The following LRRC75A variants were observed in gnomAD, a reference collection of about 807,000 sequenced individuals.
LRRC75A encodes the protein leucine rich repeat containing 75A, also known as leucine-rich repeat-containing protein 75A.
LRRC75A carries 12 observed loss-of-function variants against 26.0 expected under a neutral mutation model. The observed-to-expected ratio is 0.46, with a 90% CI of 0.30 to 0.75. The LOEUF (loss-of-function observed/expected upper bound fraction) is 0.75. Ranked by LOEUF, LRRC75A falls within the 30% of genes least tolerant of loss-of-function variation. LRRC75A has a pLI of 0.08. For missense variants in LRRC75A, 410 were observed against 486.6 expected, an observed-to-expected ratio of 0.84 and a Z score of 1.48; for synonymous variants, 223 against 219.3, an observed-to-expected ratio of 1.02 and a Z score of -0.15.
At chr17:16,484,617 A>G (rs1322286339) in intron 1 of LRRC75A, among the ~76,000 whole-genome samples, 1 of 152,138 alleles carries the variant, frequency 6.6e-6, no homozygotes, top group Non-Finnish European at 1.5e-5. Context: ...GCTGACCAAG[A>G]TCCGGCAGAG....
intron 1 of LRRC75A, among the ~76,000 whole-genome samples, chr17:16,476,957 C>CCTG (rs2093822074): frequency 6.6e-6 from 1 of 151,026 alleles, no homozygotes; most frequent in Non-Finnish European, 1.5e-5. Context: ...CCAGGATGGT[C>CCTG]TCAATCTCCT....
In LRRC75A at chr17:16,460,291, A is replaced by T. The variant is rs114525295; in HGVS notation, c.375+1967T>A. ...CAGTCTACGATAATTTGTTACAGCCACCTGAATGGACCACAACAACCCAGG... is the reference window on the plus strand; with the variant it reads ...CAGTCTACGATAATTTGTTACAGCCTCCTGAATGGACCACAACAACCCAGG... On this transcript the variant is annotated intron_variant, in intron 2 of 3. Coordinates refer to ENST00000470794, the MANE Select transcript of LRRC75A (RefSeq NM_001113567.3). Among the ~76,000 whole-genome samples the T allele has an allele frequency of 8.5e-4, 130 of 152,278 alleles. 1 individual carries two copies. Among genetic ancestry groups the T allele is most frequent in the Middle Eastern group, 6.8e-3 (2 of 294 alleles).
chr17:16,443,784 G>T lies in LRRC75A; in HGVS notation c.839C>A (p.Pro280His). Residue 280 changes from proline to histidine, a missense_variant, in exon 4 of 4, where the codon CCC becomes CAC. Physicochemically the swap from Pro to His is moderately conservative, Grantham distance 77 (BLOSUM62 -2). Transcript: ENST00000470794. ...NNVDIFSLPQPFLLSLRKRSP... is the reference protein window; with the variant it reads ...NNVDIFSLPQHFLLSLRKRSP... ...GCGCTTGCGCAGGCTGAGCAGGAAG[G>T]GCTGGGGCAAGGAGAAGATGTCCAC... is the stretch of plus-strand genomic sequence containing the variant. 2 of 1,613,866 alleles carry T rather than the reference G, an allele frequency of 1.2e-6. No individual in the cohort carries two copies. Among genetic ancestry groups the T allele is most frequent in the Non-Finnish European group, 1.7e-6 (2 of 1,179,752 alleles).
chr17:16,487,713 G>C (rs1025645209), intron 1 of LRRC75A, among the ~76,000 whole-genome samples: 1 of 152,224 alleles, frequency 6.6e-6, no homozygotes, highest in Non-Finnish European at 1.5e-5. Flanking sequence ...GGGATTACAG[G>C]TGTGAGCATT....
chr17:16,449,779 G>A (rs1043872169), intron 2 of LRRC75A, among the ~76,000 whole-genome samples: 1 of 152,142 alleles, frequency 6.6e-6, no homozygotes, highest in Non-Finnish European at 1.5e-5. Context: ...ATCACACCTG[G>A]CTAGTTTTTG....
rs113196888 is a variant in LRRC75A, at chr17:16,481,929, C to T, written c.246+9816G>A. On this transcript the variant is annotated intron_variant, in intron 1 of 3. Transcript: ENST00000470794. ...CTACAATACAGCCCTTTCCATAGTC[C>T]GCATACGCAGAGGACTCCCCAGGTC... 4.1e-3 allele frequency among the ~76,000 whole-genome samples: 628 copies of T among 152,278 alleles called. 1 individual carries two copies. The highest frequency in any genetic ancestry group is 0.014 in the African/African-American group (593 of 41,550).
chr17:16,480,597 C>A (rs573389864), intron 1 of LRRC75A, among the ~76,000 whole-genome samples: 1 of 141,290 alleles, frequency 7.1e-6, no homozygotes, highest in South Asian at 2.2e-4. Flanking sequence ...CCACTGCACT[C>A]TAGCCTGGGC....
intron 1 of LRRC75A, among the ~76,000 whole-genome samples, chr17:16,478,889 G>A (rs1027350728): frequency 4.6e-5 from 7 of 152,202 alleles, no homozygotes; most frequent in African/African-American, 1.4e-4. Flanking sequence ...GGACTGGCAC[G>A]TCCTAGGAAA....
Position 16,448,090 on chromosome 17 carries a change from G to A in LRRC75A, c.376-130C>T, listed in dbSNP as rs746310646. The A allele has an allele frequency of 1.1e-5, 9 of 801,198 alleles. No homozygotes were observed. In the South Asian group the frequency reaches 1.3e-4, roughly 12 times the overall value. The allele number at this position is 801,198 out of a possible 1,614,324, so 49.6% of individuals were successfully genotyped here. ...AGCTGGGGGAGGCCCTGCTCTGCTG[G>A]CCTAGGGTGGGCACCCTAGGCAGAC... is the stretch of plus-strand genomic sequence containing the variant. On this transcript the variant is annotated intron_variant, in intron 2 of 3. Transcript: ENST00000470794.
At chr17:16,468,575 G>C (rs571071564) in intron 1 of LRRC75A, among the ~76,000 whole-genome samples, 111 of 152,316 alleles carry the variant, frequency 7.3e-4, no homozygotes, top group African/African-American at 2.6e-3. Context: ...GGAAGGAGGA[G>C]TTACTGTTTA....
chr17:16,482,341 G>A lies in LRRC75A; in HGVS notation c.246+9404C>T, dbSNP rs568576073. Among the ~76,000 whole-genome samples, 168 of 152,270 alleles carry A rather than the reference G, an allele frequency of 1.1e-3. 1 individual carries two copies. The highest frequency in any genetic ancestry group is 3.8e-3 in the African/African-American group (158 of 41,544). ...TGGGTGGAGGCTCCATGGGGACAGC[G>A]GCTATGGGGTGGGAATGTGCCTGGA... is the stretch of plus-strand genomic sequence containing the variant. On this transcript the variant is annotated intron_variant, in intron 1 of 3. Transcript: ENST00000470794.
chr17:16,481,577 G>A (rs758765910), intron 1 of LRRC75A, among the ~76,000 whole-genome samples: 2 of 152,064 alleles, frequency 1.3e-5, no homozygotes, highest in South Asian at 2.1e-4. Flanking sequence ...CCTGGGCCCC[G>A]GCAGGTGCAC....
chr17:16,472,261 G>A (rs748931385), intron 1 of LRRC75A, among the ~76,000 whole-genome samples: 9 of 151,964 alleles, frequency 5.9e-5, no homozygotes, highest in Admixed American at 1.3e-4. Flanking sequence ...CAGCATCCTG[G>A]CATCCAAGGA....
chr17:16,441,876 C>A lies in LRRC75A; in HGVS notation c.*1712G>T. On this transcript the variant is annotated 3_prime_UTR_variant, in exon 4 of 4. Coordinates refer to ENST00000470794, the MANE Select transcript of LRRC75A (RefSeq NM_001113567.3). The stretch of plus-strand genomic sequence containing the variant: ...ATCATGCCCAACAAGAGGTTCTATA[C>A]CTTTTAATGAATTGACTTTCATAAA... 6.5e-6 allele frequency: 1 copy of A among 154,176 alleles called. No homozygotes were observed. The highest frequency in any genetic ancestry group is 2.0e-4 in the South Asian group (1 of 5,046). 9.6% of individuals were successfully genotyped at this position (154,176 alleles called of 1,614,324 possible).
intron 1 of LRRC75A, among the ~76,000 whole-genome samples, chr17:16,484,597 T>C (rs1202512506): frequency 6.6e-6 from 1 of 152,070 alleles, no homozygotes; most frequent in Non-Finnish European, 1.5e-5. Flanking sequence ...GATGGGAGGC[T>C]GAGAGGGGAG....
At chr17:16,472,128 G>C (rs1409375306) in intron 1 of LRRC75A, among the ~76,000 whole-genome samples, 1 of 152,094 alleles carries the variant, frequency 6.6e-6, no homozygotes, top group African/African-American at 2.4e-5. Context: ...AAGGATACAA[G>C]CAGAGGAGAG....
At chr17:16,487,648 T>G (rs2093849709) in intron 1 of LRRC75A, among the ~76,000 whole-genome samples, 1 of 152,254 alleles carries the variant, frequency 6.6e-6, no homozygotes, top group Non-Finnish European at 1.5e-5. Context: ...TTGCTCAGGC[T>G]GGTCTTGAAC....
chr17:16,459,327 C>T (rs2093709479), intron 2 of LRRC75A, among the ~76,000 whole-genome samples: 1 of 152,112 alleles, frequency 6.6e-6, no homozygotes, highest in Non-Finnish European at 1.5e-5. Flanking sequence ...TGATCAGGAG[C>T]CTACACTAGG....
chr17:16,453,297 AACAC>A lies in LRRC75A; in HGVS notation c.376-5341_376-5338del, dbSNP rs764002278. Among the ~76,000 whole-genome samples, 619 of 108,674 alleles carry A rather than the reference AACAC, an allele frequency of 5.7e-3. 3 individuals carry two copies. The highest frequency in any genetic ancestry group is 0.014 in the African/African-American group (518 of 37,476). The allele number at this position is 108,674 out of a possible 152,430, so 71.3% of individuals were successfully genotyped here. ...GAGTGGGACTGGTGTGGGACTCCTAAACACACACACACACGCACACACGCACACA... is the reference window on the plus strand; with the variant it reads ...GAGTGGGACTGGTGTGGGACTCCTAAACACACACACGCACACACGCACACA... On this transcript the variant is annotated intron_variant, in intron 2 of 3. Coordinates refer to ENST00000470794, the MANE Select transcript of LRRC75A (RefSeq NM_001113567.3).
Sources: allele counts gnomAD v4.1 joint callset (sites outside exome capture counted in the v4.1 genomes callset), GRCh38; gene constraint gnomAD v4.1.1; transcripts MANE v1.5; gene names NCBI Gene and HGNC (gene_info 2026-07-23, HGNC 2026-07-21).